Variants in DNAJC10 observed in about 807,000 individuals in gnomAD.
DNAJC10 encodes DnaJ heat shock protein family (Hsp40) member C10.
A neutral mutation model predicts 115.0 loss-of-function variants in DNAJC10; 101 were observed. The ratio of observed to expected loss-of-function variants is 0.88; its 90% CI spans 0.75 to 1.04. DNAJC10 has a LOEUF of 1.04. Among genes scored for constraint, DNAJC10 ranks in the 50% least tolerant of loss-of-function variants. The pLI is 0.00. For missense variants in DNAJC10, 981 were observed against 928.8 expected (o/e 1.06, Z -0.73); for synonymous variants, 307 against 301.5 (o/e 1.02, Z -0.19).
chr2:182,750,115 A>G (rs1161867299), intron 14 of DNAJC10, among the ~76,000 whole-genome samples: 1 of 152,188 alleles, frequency 6.6e-6, no homozygotes, highest in Non-Finnish European at 1.5e-5. Context: ...AGTCAGTATT[A>G]CTTGGTGACT....
intron 22 of DNAJC10, among the ~76,000 whole-genome samples, chr2:182,772,011 T>C (rs1694577061): frequency 6.6e-6 from 1 of 152,238 alleles, no homozygotes; most frequent in Non-Finnish European, 1.5e-5. Context: ...GAGATTCTGG[T>C]ATGTTGTGTC....
intron 22 of DNAJC10, among the ~76,000 whole-genome samples, chr2:182,769,235 T>G (rs1311117196): frequency 6.6e-6 from 1 of 152,168 alleles, no homozygotes; most frequent in Non-Finnish European, 1.5e-5. Flanking sequence ...TTGATGTACT[T>G]TTGCGGTGGT....
Position 182,791,970 on chromosome 2 carries a change from C to T in DNAJC10, c.*14838C>T, listed in dbSNP as rs1422781536. ...ATTTAACTCTAAACAATGCAATAATCTAGAGAATCAGAGAATTGGATCCTG... is the reference window on the plus strand; with the variant it reads ...ATTTAACTCTAAACAATGCAATAATTTAGAGAATCAGAGAATTGGATCCTG... On this transcript the variant is annotated 3_prime_UTR_variant, in exon 24 of 24. Transcript: ENST00000264065. 6.6e-6 allele frequency: 1 copy of T among 152,148 alleles called. No homozygotes were observed. The highest frequency in any genetic ancestry group is 1.5e-5 in the Non-Finnish European group (1 of 68,018). The allele number at this position is 152,148 out of a possible 1,614,324, so 9.4% of individuals were successfully genotyped here.
chr2:182,764,360 C>T (rs958160423), intron 22 of DNAJC10, among the ~76,000 whole-genome samples: 1 of 152,060 alleles, frequency 6.6e-6, no homozygotes, highest in Non-Finnish European at 1.5e-5. Flanking sequence ...GTTGCAGTAG[C>T]GGCAGTTGCT....
chr2:182,722,485 T>C lies in DNAJC10; in HGVS notation c.418+410T>C, dbSNP rs564685011. ...GCCATAAAAATACAGTTCTGCATTTTCCATTGCATTTTAGAAAATTGTATA... is the reference window on the plus strand; with the variant it reads ...GCCATAAAAATACAGTTCTGCATTTCCCATTGCATTTTAGAAAATTGTATA... On this transcript the variant is annotated intron_variant, in intron 5 of 23. Coordinates refer to ENST00000264065, the MANE Select transcript of DNAJC10 (RefSeq NM_018981.4). Among the ~76,000 whole-genome samples, 11 of 152,318 alleles carry C rather than the reference T, an allele frequency of 7.2e-5. No individual in the cohort carries two copies. In the East Asian group the frequency reaches 1.9e-3, roughly 27 times the overall value.
At chr2:182,731,479 A>G (rs1343077865) in intron 9 of DNAJC10, among the ~76,000 whole-genome samples, 1 of 152,082 alleles carries the variant, frequency 6.6e-6, no homozygotes, top group Non-Finnish European at 1.5e-5. Context: ...CTTCATGCTT[A>G]TATATATCTC....
chr2:182,770,168 G>A (rs1019050497), intron 22 of DNAJC10, among the ~76,000 whole-genome samples: 7 of 152,066 alleles, frequency 4.6e-5, no homozygotes, highest in African/African-American at 1.4e-4. Context: ...TGTTCCATTG[G>A]TCTATATATC....
rs1192791178 is a variant in DNAJC10 at position 182,782,612 on chromosome 2, G to A, written c.*5480G>A. 2 of 152,052 alleles carry A rather than the reference G, an allele frequency of 1.3e-5. No homozygotes were observed. The highest frequency in any genetic ancestry group is 2.1e-4 in the South Asian group (1 of 4,818). 9.4% of individuals were successfully genotyped at this position (152,052 alleles called of 1,614,324 possible). ...TCATTTCCTTGAGCAGTGGTTTGTA[G>A]TTCTTGAAGAGGTCCTTCACGTCCC... is the stretch of plus-strand genomic sequence containing the variant. On this transcript the variant is annotated 3_prime_UTR_variant, in exon 24 of 24. Transcript: ENST00000264065.
intron 11 of DNAJC10, chr2:182,739,728 C>CT (rs1693684354): frequency 2.0e-6 from 2 of 1,005,076 alleles, no homozygotes; most frequent in South Asian, 8.3e-5. Flanking sequence ...GTATTTTACT[C>CT]TAAAAACTCC....
intron 7 of DNAJC10, 67 bp from the exon 8 acceptor site, chr2:182,729,781 G>A: frequency 5.0e-6 from 5 of 1,003,700 alleles, no homozygotes; most frequent in Non-Finnish European, 7.5e-6. Flanking sequence ...AAACTCTTTG[G>A]TATTATTTTT....
chr2:182,734,005 C>T (rs1330652088), intron 10 of DNAJC10, among the ~76,000 whole-genome samples: 1 of 149,588 alleles, frequency 6.7e-6, no homozygotes, highest in Admixed American at 6.6e-5. Context: ...TGTCTCATGT[C>T]TGTTTTTATT....
rs541429689 is a variant in DNAJC10 at position 182,793,740 on chromosome 2, A to G, written c.*16608A>G. 6.6e-6 allele frequency: 1 copy of G among 151,812 alleles called. No homozygotes were observed. The highest frequency in any genetic ancestry group is 1.9e-4 in the East Asian group (1 of 5,142). 9.4% of individuals were successfully genotyped at this position (151,812 alleles called of 1,614,324 possible). A position where few individuals can be genotyped will look rare whatever the true frequency, so the allele number is the denominator to read the frequency against. On this transcript the variant is annotated 3_prime_UTR_variant, in exon 24 of 24. Transcript: ENST00000264065. ...TTGCAATTTATTACATGGGAACTCA[A>G]AGTCTGGAGACAGCCTCAGGCCAAG...
intron 22 of DNAJC10, among the ~76,000 whole-genome samples, chr2:182,763,384 G>A (rs979638254): frequency 1.3e-5 from 2 of 152,058 alleles, no homozygotes; most frequent in Admixed American, 1.3e-4. Flanking sequence ...TGAATGCCAA[G>A]AATGAGTTCT....
intron 13 of DNAJC10, 110 bp from the exon 14 acceptor site, chr2:182,743,488 G>A (rs1263709349): frequency 1.4e-6 from 1 of 727,960 alleles, no homozygotes; most frequent in African/African-American, 1.8e-5. Flanking sequence ...ATTAGCTTCT[G>A]TTTAAAAACT....
chr2:182,758,509 TTGAC>T (rs1385673045), intron 19 of DNAJC10, among the ~76,000 whole-genome samples: 1 of 152,112 alleles, frequency 6.6e-6, no homozygotes, highest in African/African-American at 2.4e-5. Context: ...GGGTAGGAAT[TTGAC>T]AGACAGTAAT....
chr2:182,766,800 G>A (rs986104970), intron 22 of DNAJC10, among the ~76,000 whole-genome samples: 15 of 152,156 alleles, frequency 9.9e-5, no homozygotes, highest in African/African-American at 2.9e-4. Flanking sequence ...TTCGCTGACC[G>A]GGGGTATAAT....
chr2:182,750,050 C>T (rs1246517070), intron 14 of DNAJC10, among the ~76,000 whole-genome samples: 1 of 152,034 alleles, frequency 6.6e-6, no homozygotes, highest in Non-Finnish European at 1.5e-5. Context: ...TAGCTAGCTT[C>T]TGTGATAGTA....
intron 17 of DNAJC10, 25 bp downstream of exon 17, chr2:182,755,129 A>T (rs1574945796): frequency 7.0e-7 from 1 of 1,419,470 alleles, no homozygotes; most frequent in East Asian, 2.3e-5. Flanking sequence ...AGACTATGTG[A>T]CTAGAAATTT....
intron 6 of DNAJC10, 34 bp from the exon 7 acceptor site, chr2:182,728,829 T>C (rs770379335): frequency 6.2e-7 from 1 of 1,612,926 alleles, no homozygotes; most frequent in Non-Finnish European, 8.5e-7. Flanking sequence ...AAAGTGGTCT[T>C]ATCAGAGAAA....
Sources: allele counts gnomAD v4.1 joint callset (sites outside exome capture counted in the v4.1 genomes callset), GRCh38; gene constraint gnomAD v4.1.1; transcripts MANE v1.5; gene names NCBI Gene and HGNC (gene_info 2026-07-23, HGNC 2026-07-21).